The following MYO1D variants were observed in gnomAD, a reference collection of about 807,000 sequenced individuals.
The protein encoded by MYO1D is myosin ID.
Under a neutral mutation model 122.0 loss-of-function variants are expected in MYO1D, and 83 were observed. The observed-to-expected ratio is 0.68, with a 90% CI of 0.57 to 0.82. The LOEUF (loss-of-function observed/expected upper bound fraction) is 0.82. Among genes scored for constraint, MYO1D ranks in the 40% least tolerant of loss-of-function variants. The probability of loss-of-function intolerance (pLI) is 0.00; values close to 1 mark genes in which losing one functional copy is unlikely to be tolerated. For synonymous variants in MYO1D, 464 were observed against 446.9 expected, an observed-to-expected ratio of 1.04 and a Z score of -0.48; for missense variants, 1,157 against 1,269.5, an observed-to-expected ratio of 0.91 and a Z score of 1.35.
intron 14 of MYO1D, among the ~76,000 whole-genome samples, chr17:32,736,724 G>A (rs2089705629): frequency 6.6e-6 from 1 of 152,160 alleles, no homozygotes; most frequent in African/African-American, 2.4e-5. Flanking sequence ...TCTTTTTCTA[G>A]TTAATTGACT....
In MYO1D at chr17:32,698,417, A is replaced by C. The variant is rs548228092; in HGVS notation, c.2121+13571T>G. Among the ~76,000 whole-genome samples the C allele has an allele frequency of 4.8e-5, 7 of 146,210 alleles. No homozygotes were observed. In the East Asian group the frequency reaches 1.4e-3, roughly 29 times the overall value. On this transcript the variant is annotated intron_variant, in intron 16 of 21. Coordinates refer to ENST00000318217, the MANE Select transcript of MYO1D (RefSeq NM_015194.3). Reference sequence around the variant, plus strand: ...TTCTTTTTTAAGGACAAAAGTAATCAATTTTATATGAGAAATAATTATTTT... The same window carrying C: ...TTCTTTTTTAAGGACAAAAGTAATCCATTTTATATGAGAAATAATTATTTT...
rs145568605 is a variant in MYO1D at position 32,873,652 on chromosome 17, T to C, written c.95+3126A>G. 5.3e-5 allele frequency among the ~76,000 whole-genome samples: 8 copies of C among 152,270 alleles called. No homozygotes were observed. In the East Asian group the frequency reaches 1.5e-3, roughly 29 times the overall value. On this transcript the variant is annotated intron_variant, in intron 1 of 21. Transcript: ENST00000318217. ...TTTCTGTCTGGGTCAGAATTTATAG[T>C]TTCAGAGGAGGGTAAGGGTGCTACC...
chr17:32,519,903 A>ATTTTT (rs1567875111), intron 21 of MYO1D, among the ~76,000 whole-genome samples: 6 of 127,728 alleles, frequency 4.7e-5, no homozygotes, highest in Admixed American at 1.6e-4. Flanking sequence ...TTTTTTTTTA[A>ATTTTT]AAAAAAAAAC....
At chr17:32,867,446 T>G (rs2091137130) in intron 1 of MYO1D, among the ~76,000 whole-genome samples, 1 of 152,048 alleles carries the variant, frequency 6.6e-6, no homozygotes, top group Non-Finnish European at 1.5e-5. Context: ...AAAGAGTAAC[T>G]TTATTAAAAG....
At chr17:32,869,542 A>G (rs908508490) in intron 1 of MYO1D, among the ~76,000 whole-genome samples, 1 of 152,228 alleles carries the variant, frequency 6.6e-6, no homozygotes, top group African/African-American at 2.4e-5. Flanking sequence ...CAGCACCACA[A>G]ATGGGTACTA....
At chr17:32,868,894 G>A (rs1367520119) in intron 1 of MYO1D, among the ~76,000 whole-genome samples, 2 of 152,046 alleles carry the variant, frequency 1.3e-5, no homozygotes, top group Non-Finnish European at 2.9e-5. Flanking sequence ...CAAAACTAAA[G>A]TTTGGAAAAC....
intron 20 of MYO1D, among the ~76,000 whole-genome samples, chr17:32,628,106 G>A (rs2087951900): frequency 6.6e-6 from 1 of 152,124 alleles, no homozygotes. Context: ...TCCATATCAA[G>A]CCTCAGCAAC....
At position 32,539,218 on chromosome 17, in the gene MYO1D, G is replaced by T. The variant is rs537872309; in HGVS notation, c.2865-44303C>A. Among the ~76,000 whole-genome samples, 18 of 151,472 alleles carry T rather than the reference G, an allele frequency of 1.2e-4. No individual in the cohort carries two copies. The East Asian group carries it at 3.3e-3, about 28-fold the overall frequency. On this transcript the variant is annotated intron_variant, in intron 21 of 21. Transcript: ENST00000318217. ...GCACTTTGGGAGGCCGAGGCAGGAG[G>T]ATCGTTTGAGCCCAGGTGTTCAAGA...
Position 32,494,767 on chromosome 17 carries a change from C to G in MYO1D, c.3013G>C (p.Gly1005Arg), listed in dbSNP as rs769946285. 3.1e-6 allele frequency: 5 copies of G among 1,602,754 alleles called. No homozygotes were observed. The highest frequency in any genetic ancestry group is 4.3e-6 in the Non-Finnish European group (5 of 1,175,094). The change falls in exon 22 of 22, where the codon GGG becomes CGG. Residue 1005 changes from glycine to arginine, a missense_variant. Gly to Arg is a moderately radical substitution (Grantham distance 125). Coordinates refer to ENST00000318217, the MANE Select transcript of MYO1D (RefSeq NM_015194.3). Reference sequence around the variant, plus strand: ...CAGGCCTCCGCGGGGCGTCAGTTCCCGGGCACGCTGAGGATGAAGCCCGAG... The same window carrying G: ...CAGGCCTCCGCGGGGCGTCAGTTCCGGGGCACGCTGAGGATGAAGCCCGAG... ...NRSGFILSVP[G>R]N
chr17:32,728,942 T>G lies in MYO1D; in HGVS notation c.1747-7753A>C, dbSNP rs914144870. ...AGCCCTTTCATCCTGTTTAGTGATA[T>G]AAAAGTCTTTGGATAAGGAATATAG... On this transcript the variant is annotated intron_variant, in intron 14 of 21. Coordinates refer to ENST00000318217, the MANE Select transcript of MYO1D (RefSeq NM_015194.3). Among the ~76,000 whole-genome samples, 7 of 152,338 alleles carry G rather than the reference T, an allele frequency of 4.6e-5. No homozygotes were observed. The East Asian group carries it at 1.3e-3, about 29-fold the overall frequency.
chr17:32,508,942 T>C lies in MYO1D; in HGVS notation c.2865-14027A>G, dbSNP rs572317990. 2.0e-4 allele frequency among the ~76,000 whole-genome samples: 31 copies of C among 152,358 alleles called. No individual in the cohort carries two copies. The South Asian group carries it at 6.0e-3, about 30-fold the overall frequency. Reference sequence around the variant, plus strand: ...CAACAGCTCCTCGTGCAGTGTCTGATACAAAATAGGAGTTCCATAAATGTC... The same window carrying C: ...CAACAGCTCCTCGTGCAGTGTCTGACACAAAATAGGAGTTCCATAAATGTC... On this transcript the variant is annotated intron_variant, in intron 21 of 21. Coordinates refer to ENST00000318217, the MANE Select transcript of MYO1D (RefSeq NM_015194.3).
rs372953616 is a variant in MYO1D, at chr17:32,653,879, T to C, written c.2559A>G (p.Lys853=). Reference sequence around the variant, plus strand: ...GACAGGAAAAGAGGACATTCATGTATTTGTCCTTCCGTTTCAATTCATTAG... The same window carrying C: ...GACAGGAAAAGAGGACATTCATGTACTTGTCCTTCCGTTTCAATTCATTAG... The part of the protein sequence containing the change: ...PVANELKRKD[K]YMNVLFSCHV... Residue 853 remains lysine, a synonymous_variant, in exon 19 of 22, where the codon AAA becomes AAG. Coordinates refer to ENST00000318217, the MANE Select transcript of MYO1D (RefSeq NM_015194.3). 12 of 1,613,946 alleles carry C rather than the reference T, an allele frequency of 7.4e-6. No individual in the cohort carries two copies. The African/African-American group carries it at 9.3e-5, about 13-fold the overall frequency.
intron 7 of MYO1D, among the ~76,000 whole-genome samples, chr17:32,767,150 G>T (rs1418304698): frequency 6.6e-6 from 1 of 152,154 alleles, no homozygotes; most frequent in Non-Finnish European, 1.5e-5. Flanking sequence ...TCTAAGTTTG[G>T]TGTGGTATAG....
At chr17:32,620,504 G>A (rs1053228488) in intron 20 of MYO1D, among the ~76,000 whole-genome samples, 1 of 152,140 alleles carries the variant, frequency 6.6e-6, no homozygotes, top group Non-Finnish European at 1.5e-5. Context: ...TTCTCCAGCA[G>A]GCAGTCTGGG....
intron 1 of MYO1D, among the ~76,000 whole-genome samples, chr17:32,786,218 T>C (rs1448027922): frequency 1.3e-5 from 2 of 152,108 alleles, no homozygotes; most frequent in Admixed American, 1.3e-4. Flanking sequence ...TCTAAGTATA[T>C]GTAAGGTGAG....
rs4145893 is a variant in MYO1D at position 32,697,937 on chromosome 17, C to T, written c.2121+14051G>A. Among the ~76,000 whole-genome samples the T allele has an allele frequency of 2.1e-4, 32 of 152,324 alleles. No homozygotes were observed. In the East Asian group the frequency reaches 4.6e-3, roughly 22 times the overall value. ...AACTTTTCAATAGTGTGAGTCATAG[C>T]TGTTTCTTGAATGATGCCACTATGG... On this transcript the variant is annotated intron_variant, in intron 16 of 21. Coordinates refer to ENST00000318217, the MANE Select transcript of MYO1D (RefSeq NM_015194.3).
intron 1 of MYO1D, 153 bp downstream of exon 1, chr17:32,876,625 G>T (rs1050148261): frequency 3.6e-6 from 2 of 550,650 alleles, no homozygotes; most frequent in Admixed American, 8.9e-5. Context: ...CGCAGCCGCG[G>T]AGCTTGGCAG....
At position 32,605,911 on chromosome 17, in the gene MYO1D, T is replaced by C. The variant is rs569192753; in HGVS notation, c.2710-670A>G. Among the ~76,000 whole-genome samples, 311 of 151,362 alleles carry C rather than the reference T, an allele frequency of 2.1e-3. 4 individuals carry two copies. The highest frequency in any genetic ancestry group is 7.0e-3 in the African/African-American group (287 of 41,246). On this transcript the variant is annotated intron_variant, in intron 20 of 21. Transcript: ENST00000318217. ...GCCTTGGCAACATGGTGAAACCCCA[T>C]CTCTACTGAAATACAAAAAAAAAAA...
chr17:32,532,944 C>G (rs1483291850), intron 21 of MYO1D, among the ~76,000 whole-genome samples: 1 of 152,090 alleles, frequency 6.6e-6, no homozygotes, highest in Non-Finnish European at 1.5e-5. Context: ...CTGGGTTTTT[C>G]AAATCATTGA....
Sources: gnomAD v4.1 joint callset for allele counts (sites outside exome capture counted in the v4.1 genomes callset) on GRCh38, gnomAD v4.1.1 for gene constraint, MANE v1.5 for transcripts, NCBI Gene and HGNC (gene_info 2026-07-23, HGNC 2026-07-21) for gene names.